BCL7C: variants seen among roughly 807,000 people sequenced by gnomAD.
BCL7C encodes the protein BAF chromatin remodeling complex subunit BCL7C.
Under a neutral mutation model 26.2 loss-of-function variants are expected in BCL7C, and 8 were observed. That is an observed-to-expected ratio of 0.30 (90% CI 0.18 to 0.55). BCL7C has a LOEUF of 0.55. BCL7C is among the 20% of genes least tolerant of loss of function. The pLI is 0.93. For synonymous variants in BCL7C, 90 were observed against 116.5 expected, an observed-to-expected ratio of 0.77 and a Z score of 1.47; for missense variants, 262 against 298.5, an observed-to-expected ratio of 0.88 and a Z score of 0.90.
At chr16:30,870,866 C>T (rs2054876708) in intron 5 of BCL7C, among the ~76,000 whole-genome samples, 1 of 152,154 alleles carries the variant, frequency 6.6e-6, no homozygotes, top group African/African-American at 2.4e-5. Context: ...ACCTGGGTTC[C>T]AATCCTTGTT....
At chr16:30,849,677 C>T (rs1240197584) in intron 5 of BCL7C, among the ~76,000 whole-genome samples, 1 of 152,074 alleles carries the variant, frequency 6.6e-6, no homozygotes, top group Non-Finnish European at 1.5e-5. Context: ...TCTTGAACTC[C>T]TGACCTTGGG....
chr16:30,841,738 G>A (rs527753499), intron 5 of BCL7C, among the ~76,000 whole-genome samples: 1 of 151,838 alleles, frequency 6.6e-6, no homozygotes, highest in East Asian at 2.0e-4. Flanking sequence ...GGCAGATCAC[G>A]AGGTCAGGAG....
intron 5 of BCL7C, chr16:30,851,734 C>T: frequency 5.0e-6 from 3 of 603,918 alleles, no homozygotes; most frequent in Non-Finnish European, 8.7e-6. Flanking sequence ...CAGCAGACCA[C>T]CAAACAGTGA....
At chr16:30,868,415 G>A (rs1388486633) in intron 5 of BCL7C, among the ~76,000 whole-genome samples, 2 of 149,876 alleles carry the variant, frequency 1.3e-5, no homozygotes, top group African/African-American at 2.5e-5. Context: ...GGGATTACAG[G>A]CGTGAGTCAC....
intron 5 of BCL7C, among the ~76,000 whole-genome samples, chr16:30,854,227 G>A (rs1039967851): frequency 3.3e-5 from 5 of 152,194 alleles, no homozygotes; most frequent in African/African-American, 4.8e-5. Flanking sequence ...ACCAGTAAAA[G>A]GAGGATGTAT....
At chr16:30,833,877 C>T (rs1596804256) in exon 6 of BCL7C, 1 of 152,212 alleles carries the variant, frequency 6.6e-6, no homozygotes, top group South Asian at 2.1e-4. Flanking sequence ...ACGGCCTTAA[C>T]CCCGCTGTGT....
At chr16:30,880,063 T>G (rs2055019395) in intron 5 of BCL7C, among the ~76,000 whole-genome samples, 1 of 151,430 alleles carries the variant, frequency 6.6e-6, no homozygotes, top group South Asian at 2.1e-4. Context: ...GAAGCTTAGG[T>G]GGATCACTTG....
chr16:30,853,018 C>T (rs1322887550), intron 5 of BCL7C, among the ~76,000 whole-genome samples: 1 of 152,038 alleles, frequency 6.6e-6, no homozygotes, highest in Non-Finnish European at 1.5e-5. Context: ...TCACCGCACC[C>T]TCCGCCTCCT....
intron 5 of BCL7C, among the ~76,000 whole-genome samples, chr16:30,836,718 C>T (rs1407560431): frequency 6.6e-6 from 1 of 151,910 alleles, no homozygotes; most frequent in Non-Finnish European, 1.5e-5. Context: ...TCAAGTAATT[C>T]ACCCACTTCA....
intron 5 of BCL7C, among the ~76,000 whole-genome samples, chr16:30,878,912 T>G (rs2054997078): frequency 6.6e-6 from 1 of 151,996 alleles, no homozygotes; most frequent in African/African-American, 2.4e-5. Flanking sequence ...CCCAGGTGAT[T>G]CCAGTATGCA....
chr16:30,884,510 T>C (rs901717239), downstream of BCL7C, among the ~76,000 whole-genome samples: 1 of 150,008 alleles, frequency 6.7e-6, no homozygotes, highest in Non-Finnish European at 1.5e-5. Context: ...TTTTTTTTTT[T>C]TTTTGAGACA....
intron 4 of BCL7C, among the ~76,000 whole-genome samples, chr16:30,889,813 G>A (rs2055197625): frequency 6.6e-6 from 1 of 151,732 alleles, no homozygotes; most frequent in Non-Finnish European, 1.5e-5. Context: ...GGTGATGCAT[G>A]CCTGTAGTCC....
At chr16:30,888,315 C>T (rs1033830361) in intron 5 of BCL7C, among the ~76,000 whole-genome samples, 7 of 152,144 alleles carry the variant, frequency 4.6e-5, no homozygotes, top group Admixed American at 2.0e-4. Context: ...CATGGAGGAG[C>T]GCCATGATTT....
chr16:30,858,048 T>C (rs2054739450), intron 5 of BCL7C, among the ~76,000 whole-genome samples: 1 of 152,006 alleles, frequency 6.6e-6, no homozygotes, highest in African/African-American at 2.4e-5. Flanking sequence ...GGTTAATTTA[T>C]AGAGTTCTGA....
At chr16:30,879,711 T>TAAAAAAAAAAAAAAAA (rs1596612477) in intron 5 of BCL7C, among the ~76,000 whole-genome samples, 1 of 17,166 alleles carries the variant, frequency 5.8e-5, no homozygotes. Context: ...AAAAAAAAAC[T>TAAAAAAAAAAAAAAAA]GGGCACGGTG....
intron 5 of BCL7C, among the ~76,000 whole-genome samples, chr16:30,850,007 A>G (rs1373256619): frequency 6.6e-6 from 1 of 151,960 alleles, no homozygotes; most frequent in African/African-American, 2.4e-5. Context: ...CAGGAGATCA[A>G]GACCATCCTG....
At chr16:30,859,937 C>T (rs748717729) in intron 5 of BCL7C, among the ~76,000 whole-genome samples, 2 of 152,236 alleles carry the variant, frequency 1.3e-5, no homozygotes, top group African/African-American at 2.4e-5. Flanking sequence ...CCTGTCCTTG[C>T]CCTCACTCCG....
chr16:30,855,532 T>C (rs2054713061), intron 5 of BCL7C, among the ~76,000 whole-genome samples: 1 of 152,020 alleles, frequency 6.6e-6, no homozygotes, highest in Non-Finnish European at 1.5e-5. Context: ...CATGAGCCAC[T>C]GCACCTGGCC....
intron 5 of BCL7C, among the ~76,000 whole-genome samples, chr16:30,881,587 C>T (rs1327240385): frequency 6.6e-6 from 1 of 152,194 alleles, no homozygotes; most frequent in Non-Finnish European, 1.5e-5. Context: ...GTGATTAGTA[C>T]TGCCCTTGTT....
Sources: allele counts gnomAD v4.1 joint callset (sites outside exome capture counted in the v4.1 genomes callset), GRCh38; gene constraint gnomAD v4.1.1; transcripts MANE v1.5; gene names NCBI Gene and HGNC (gene_info 2026-07-23, HGNC 2026-07-21).